Variants in LRRC49 observed in about 807,000 individuals in gnomAD.
LRRC49 encodes the protein leucine-rich repeat-containing protein 49.
A neutral mutation model predicts 83.3 loss-of-function variants in LRRC49; 50 were observed. The observed-to-expected ratio is 0.60, with a 90% CI of 0.48 to 0.76. The LOEUF is 0.76. LRRC49 is among the 30% of genes least tolerant of loss of function. The pLI is 0.00. For missense variants in LRRC49, 704 were observed against 809.1 expected, an observed-to-expected ratio of 0.87 and a Z score of 1.58; for synonymous variants, 286 against 283.3, an observed-to-expected ratio of 1.01 and a Z score of -0.10.
chr15:70,949,750 A>G (rs1047287169), intron 8 of LRRC49, among the ~76,000 whole-genome samples: 4 of 152,202 alleles, frequency 2.6e-5, no homozygotes, highest in Non-Finnish European at 4.4e-5. Context: ...CTTGGCACAC[A>G]GTAAATTCAA....
At chr15:70,859,808 G>T in intron 1 of LRRC49, 1 of 755,122 alleles carries the variant, frequency 1.3e-6, no homozygotes, top group South Asian at 1.3e-5. Flanking sequence ...GGCCAGGCAG[G>T]ATATGGTGTG....
chr15:70,930,419 T>G (rs2035363562), intron 7 of LRRC49, among the ~76,000 whole-genome samples: 1 of 152,044 alleles, frequency 6.6e-6, no homozygotes, highest in East Asian at 1.9e-4. Flanking sequence ...AGCATACAAC[T>G]TTGTTGTTCT....
At chr15:70,900,462 T>C (rs547898475) in intron 3 of LRRC49, 1 of 456,636 alleles carries the variant, frequency 2.2e-6, no homozygotes, top group Admixed American at 2.3e-5. Context: ...GACAGAACTA[T>C]ATGGGCTGGA....
At chr15:71,014,621 A>G (rs1360630329) in intron 14 of LRRC49, among the ~76,000 whole-genome samples, 3 of 152,166 alleles carry the variant, frequency 2.0e-5, no homozygotes, top group Admixed American at 6.5e-5. Context: ...CTAAATGCCA[A>G]CAACAAACAG....
At chr15:70,860,793 C>T (rs2032771302) in intron 1 of LRRC49, among the ~76,000 whole-genome samples, 1 of 152,198 alleles carries the variant, frequency 6.6e-6, no homozygotes, top group African/African-American at 2.4e-5. Flanking sequence ...CTAACAATAT[C>T]AATCCCCAGT....
chr15:70,949,440 C>A (rs574730299), intron 8 of LRRC49, among the ~76,000 whole-genome samples: 67 of 152,238 alleles, frequency 4.4e-4, no homozygotes, highest in Non-Finnish European at 8.5e-4. Context: ...CATATCAAAG[C>A]GTAGCACATA....
chr15:70,991,724 T>C (rs888793471), intron 11 of LRRC49, among the ~76,000 whole-genome samples: 8 of 152,248 alleles, frequency 5.3e-5, no homozygotes, highest in African/African-American at 1.9e-4. Context: ...ATTTTAGTTT[T>C]GTTTAATTTG....
intron 1 of LRRC49, among the ~76,000 whole-genome samples, chr15:70,861,179 G>A (rs2032780081): frequency 6.6e-6 from 1 of 152,100 alleles, no homozygotes; most frequent in African/African-American, 2.4e-5. Flanking sequence ...AGATATTAAT[G>A]CCTAATATTA....
chr15:71,003,018 A>G (rs2038321324), intron 11 of LRRC49, among the ~76,000 whole-genome samples: 1 of 123,116 alleles, frequency 8.1e-6, no homozygotes, highest in South Asian at 2.8e-4. Context: ...GCCCACCGCA[A>G]CCTCTGCCTC....
intron 6 of LRRC49, among the ~76,000 whole-genome samples, chr15:70,913,693 C>G (rs2034644907): frequency 6.6e-6 from 1 of 152,074 alleles, no homozygotes; most frequent in South Asian, 2.1e-4. Flanking sequence ...GTGTTTTATC[C>G]TGTATTTTAA....
At chr15:70,988,214 C>T (rs1409844870) in intron 11 of LRRC49, among the ~76,000 whole-genome samples, 3 of 151,494 alleles carry the variant, frequency 2.0e-5, no homozygotes. Context: ...TCTCATTGAT[C>T]TGTCTAATGT....
intron 8 of LRRC49, among the ~76,000 whole-genome samples, chr15:70,963,381 G>C (rs901310612): frequency 7.9e-5 from 12 of 151,308 alleles, no homozygotes; most frequent in Non-Finnish European, 1.8e-4. Context: ...TAACTGATGA[G>C]TATTCCTCGA....
intron 7 of LRRC49, among the ~76,000 whole-genome samples, chr15:70,935,002 G>A (rs2035546661): frequency 6.6e-6 from 1 of 152,184 alleles, no homozygotes; most frequent in East Asian, 1.9e-4. Context: ...AGTGAAATGA[G>A]CCCTACCACT....
chr15:70,901,286 A>G (rs952910534), intron 4 of LRRC49, among the ~76,000 whole-genome samples: 4 of 151,972 alleles, frequency 2.6e-5, no homozygotes, highest in Non-Finnish European at 5.9e-5. Context: ...TTGATGAAAA[A>G]TGGATTGTAG....
At chr15:70,874,047 G>A (rs1196074993) in intron 2 of LRRC49, among the ~76,000 whole-genome samples, 1 of 152,178 alleles carries the variant, frequency 6.6e-6, no homozygotes, top group East Asian at 1.9e-4. Flanking sequence ...AAACCAGTGT[G>A]TGAATGTCAT....
At chr15:70,999,819 A>C (rs1371253550) in intron 11 of LRRC49, among the ~76,000 whole-genome samples, 2 of 152,082 alleles carry the variant, frequency 1.3e-5, no homozygotes, top group African/African-American at 4.8e-5. Flanking sequence ...CCTTTGTCCA[A>C]TGTGGTGGCA....
At chr15:71,033,293 T>A (rs1196849253) in intron 14 of LRRC49, among the ~76,000 whole-genome samples, 1 of 152,150 alleles carries the variant, frequency 6.6e-6, no homozygotes, top group African/African-American at 2.4e-5. Context: ...TGCCTGGGAA[T>A]ACAGCTAACA....
chr15:71,030,582 G>A (rs1044801918), intron 14 of LRRC49, among the ~76,000 whole-genome samples: 3 of 152,092 alleles, frequency 2.0e-5, no homozygotes, highest in East Asian at 1.9e-4. Flanking sequence ...GGTTGGGGAA[G>A]TTCTCCTGGA....
upstream of LRRC49, chr15:70,892,356 A>T (rs1567038534): frequency 1.3e-6 from 2 of 1,548,304 alleles, no homozygotes; most frequent in South Asian, 2.4e-5. Context: ...CGGCGAGGCA[A>T]GTCCTCCCCT....
Sources: allele counts gnomAD v4.1 joint callset (sites outside exome capture counted in the v4.1 genomes callset), GRCh38; gene constraint gnomAD v4.1.1; transcripts MANE v1.5; gene names NCBI Gene and HGNC (gene_info 2026-07-23, HGNC 2026-07-21).